GFRAL: variants seen among roughly 807,000 people sequenced by gnomAD.
The protein encoded by GFRAL is GDNF family receptor alpha-like.
Under a neutral mutation model 45.4 loss-of-function variants are expected in GFRAL, and 36 were observed. That is an observed-to-expected ratio of 0.79 (90% CI 0.61 to 1.05). GFRAL has a LOEUF of 1.05. Among genes scored for constraint, GFRAL ranks in the 50% least tolerant of loss-of-function variants. GFRAL has a pLI of 0.00. For missense variants in GFRAL, 507 were observed against 467.5 expected (o/e 1.08, Z -0.78); for synonymous variants, 166 against 154.1 (o/e 1.08, Z -0.57).
At chr6:55,360,353 T>C (rs551634208) in intron 6 of GFRAL, among the ~76,000 whole-genome samples, 97 of 152,142 alleles carry the variant, frequency 6.4e-4, no homozygotes, top group African/African-American at 2.2e-3. Context: ...ACCAAATCTT[T>C]ATATTTATTG....
chr6:55,401,683 GT>G, intron 8 of GFRAL, 106 bp from the exon 9 acceptor site: 2 of 720,460 alleles, frequency 2.8e-6, no homozygotes. Flanking sequence ...AACTTGATTA[GT>G]TTTTTCCTCC....
chr6:55,401,710 C>A (rs779658480), intron 8 of GFRAL, 80 bp from the exon 9 acceptor site: 1 of 861,682 alleles, frequency 1.2e-6, no homozygotes. Flanking sequence ...CAGACTCCAG[C>A]AAAAATGCAA....
At position 55,402,065 on chromosome 6, in the gene GFRAL, C is replaced by T; in HGVS notation, c.*212C>T. On this transcript the variant is annotated 3_prime_UTR_variant, in exon 9 of 9. Coordinates refer to ENST00000340465, the MANE Select transcript of GFRAL (RefSeq NM_207410.2). ...AATCTCGGTTCACTGCAACCTCTGCCTCCAAGGTTCAAGTGATTTTCCTGC... is the reference window on the plus strand; with the variant it reads ...AATCTCGGTTCACTGCAACCTCTGCTTCCAAGGTTCAAGTGATTTTCCTGC... The T allele has an allele frequency of 2.5e-6, 1 of 399,880 alleles. No individual in the cohort carries two copies. 24.8% of individuals were successfully genotyped at this position (399,880 alleles called of 1,614,324 possible).
intron 6 of GFRAL, among the ~76,000 whole-genome samples, chr6:55,375,869 C>T (rs1007097558): frequency 1.3e-5 from 2 of 152,062 alleles, no homozygotes; most frequent in Admixed American, 1.3e-4. Flanking sequence ...TGCCTGATTT[C>T]CCTGGCCAGA....
At chr6:55,371,622 C>A (rs1460051316) in intron 6 of GFRAL, among the ~76,000 whole-genome samples, 1 of 152,166 alleles carries the variant, frequency 6.6e-6, no homozygotes, top group African/African-American at 2.4e-5. Flanking sequence ...AAGTTATCTT[C>A]TATTCATGGA....
In GFRAL at chr6:55,366,894, G is replaced by A. The variant is rs1385433356; in HGVS notation, c.952+7756G>A. On this transcript the variant is annotated intron_variant, in intron 6 of 8. Coordinates refer to ENST00000340465, the MANE Select transcript of GFRAL (RefSeq NM_207410.2). The stretch of plus-strand genomic sequence containing the variant: ...TCAATTTTGGAATAGGTGTGGTGTG[G>A]TGCTGAAAAAAATGTATATTCTGTT... Among the ~76,000 whole-genome samples, 8 of 93,086 alleles carry A rather than the reference G, an allele frequency of 8.6e-5. No individual in the cohort carries two copies. In the East Asian group the frequency reaches 1.6e-3, roughly 18 times the overall value. 61.1% of individuals were successfully genotyped at this position (93,086 alleles called of 152,430 possible).
At chr6:55,335,292 AG>A (rs1385984879) in intron 3 of GFRAL, among the ~76,000 whole-genome samples, 4 of 152,026 alleles carry the variant, frequency 2.6e-5, no homozygotes, top group African/African-American at 9.7e-5. Context: ...ATTTCTTCAA[AG>A]TTTTGTCCAT....
intron 3 of GFRAL, among the ~76,000 whole-genome samples, chr6:55,345,413 T>C (rs1768026799): frequency 2.0e-5 from 3 of 152,164 alleles, no homozygotes; most frequent in Admixed American, 2.0e-4. Context: ...ATCTGATCTT[T>C]GACAAACCTG....
At chr6:55,389,583 T>C (rs1768722196) in intron 6 of GFRAL, among the ~76,000 whole-genome samples, 1 of 152,114 alleles carries the variant, frequency 6.6e-6, no homozygotes, top group Non-Finnish European at 1.5e-5. Flanking sequence ...CCTAAAATTT[T>C]CTAGGATAGA....
chr6:55,382,929 GA>G (rs771779832), intron 6 of GFRAL, among the ~76,000 whole-genome samples: 2 of 151,924 alleles, frequency 1.3e-5, no homozygotes, highest in Non-Finnish European at 2.9e-5. Context: ...TGAGGGGTTT[GA>G]AAAATCAGGC....
At chr6:55,338,389 C>A (rs1767918536) in intron 3 of GFRAL, among the ~76,000 whole-genome samples, 1 of 152,134 alleles carries the variant, frequency 6.6e-6, no homozygotes, top group African/African-American at 2.4e-5. Context: ...CATGCCGAGC[C>A]AGAAGGTTAT....
At chr6:55,328,227 A>T (rs1481531677) in intron 1 of GFRAL, among the ~76,000 whole-genome samples, 1 of 151,968 alleles carries the variant, frequency 6.6e-6, no homozygotes, top group Non-Finnish European at 1.5e-5. Flanking sequence ...TGTAGAATCC[A>T]TGAATCTATT....
At chr6:55,382,823 A>C (rs534195580) in intron 6 of GFRAL, among the ~76,000 whole-genome samples, 1 of 152,072 alleles carries the variant, frequency 6.6e-6, no homozygotes, top group East Asian at 1.9e-4. Flanking sequence ...CACAATAAAC[A>C]TTTCTAACTA....
rs150293207 is a variant in GFRAL, at chr6:55,349,958, C to T, written c.317-134C>T. 908 of 657,354 alleles carry T rather than the reference C, an allele frequency of 1.4e-3. 4 individuals are homozygous for T. The highest frequency in any genetic ancestry group is 9.3e-3 in the Middle Eastern group (23 of 2,482). The allele number at this position is 657,354 out of a possible 1,614,324, so 40.7% of individuals were successfully genotyped here. A position where few individuals can be genotyped will look rare whatever the true frequency, so the allele number is the denominator to read the frequency against. On this transcript the variant is annotated intron_variant, in intron 3 of 8. Transcript: ENST00000340465. ...AATTTTGAATATCAAGGGCTAAATA[C>T]ATGTTACATAACCTTGTATGTACTT...
chr6:55,348,528 A>T (rs1562052136), intron 3 of GFRAL, among the ~76,000 whole-genome samples: 2 of 152,076 alleles, frequency 1.3e-5, no homozygotes, highest in Admixed American at 1.3e-4. Context: ...AAAATCTCAG[A>T]TAAAGGTCCC....
intron 6 of GFRAL, among the ~76,000 whole-genome samples, chr6:55,360,574 C>T (rs541395196): frequency 7.9e-5 from 12 of 151,930 alleles, no homozygotes; most frequent in South Asian, 6.2e-4. Flanking sequence ...GTTTTGATTT[C>T]GACAGTGTTT....
intron 5 of GFRAL, among the ~76,000 whole-genome samples, chr6:55,356,080 G>C (rs988651927): frequency 6.6e-6 from 1 of 151,836 alleles, no homozygotes; most frequent in South Asian, 2.1e-4. Flanking sequence ...AATCCCACGT[G>C]GTCATGATGA....
intron 6 of GFRAL, among the ~76,000 whole-genome samples, chr6:55,395,789 A>G (rs1420168798): frequency 6.6e-6 from 1 of 150,878 alleles, no homozygotes; most frequent in Non-Finnish European, 1.5e-5. Flanking sequence ...TGGAAAAAAA[A>G]AAAAAAGAAA....
chr6:55,357,815 C>T (rs975718176), intron 5 of GFRAL, among the ~76,000 whole-genome samples: 28 of 151,600 alleles, frequency 1.8e-4, no homozygotes, highest in African/African-American at 6.5e-4. Flanking sequence ...ATAAACCATG[C>T]AATTTAAACT....
Sources: allele counts gnomAD v4.1 joint callset (sites outside exome capture counted in the v4.1 genomes callset), GRCh38; gene constraint gnomAD v4.1.1; transcripts MANE v1.5; gene names NCBI Gene and HGNC (gene_info 2026-07-23, HGNC 2026-07-21).